Variants in BICC1 observed in about 807,000 individuals in gnomAD.
BICC1 encodes BicC family RNA binding protein 1, also known as protein bicaudal C homolog 1.
Under a neutral mutation model 111.0 loss-of-function variants are expected in BICC1, and 43 were observed. The ratio of observed to expected loss-of-function variants is 0.39; its 90% CI spans 0.30 to 0.50. BICC1 has a LOEUF of 0.50. Ranked by LOEUF, BICC1 falls within the 20% of genes least tolerant of loss-of-function variation. The pLI is 0.88. For synonymous variants in BICC1, 467 were observed against 434.4 expected (o/e 1.07, Z -0.93); for missense variants, 1,091 against 1,203.2 (o/e 0.91, Z 1.38).
At chr10:58,554,661 G>A (rs1460951697) in intron 1 of BICC1, among the ~76,000 whole-genome samples, 1 of 151,930 alleles carries the variant, frequency 6.6e-6, no homozygotes, top group East Asian at 1.9e-4. Flanking sequence ...TGTATAATAA[G>A]AATTACTTTG....
At position 58,605,219 on chromosome 10, in the gene BICC1, G is replaced by A. The variant is rs775134375; in HGVS notation, c.191-15636G>A. 2.0e-5 allele frequency among the ~76,000 whole-genome samples: 3 copies of A among 152,098 alleles called. No individual in the cohort carries two copies. In the East Asian group the frequency reaches 5.8e-4, roughly 29 times the overall value. On this transcript the variant is annotated intron_variant, in intron 1 of 20. Transcript: ENST00000373886. ...TTAAAAATCGTCACGTAATATATACGCATAGTTTAAAAATGAAATAGTATA... is the reference window on the plus strand; with the variant it reads ...TTAAAAATCGTCACGTAATATATACACATAGTTTAAAAATGAAATAGTATA...
intron 3 of BICC1, among the ~76,000 whole-genome samples, chr10:58,722,533 C>T (rs999904322): frequency 6.6e-6 from 1 of 152,212 alleles, no homozygotes; most frequent in South Asian, 2.1e-4. Flanking sequence ...CATTTGAATT[C>T]TTAGGAACAT....
chr10:58,575,223 C>G (rs969072817), intron 1 of BICC1, among the ~76,000 whole-genome samples: 5 of 152,040 alleles, frequency 3.3e-5, no homozygotes, highest in Non-Finnish European at 5.9e-5. Flanking sequence ...TGATGTCCCC[C>G]TCTCTGTGTC....
At chr10:58,538,025 C>T (rs935040988) in intron 1 of BICC1, among the ~76,000 whole-genome samples, 6 of 151,760 alleles carry the variant, frequency 4.0e-5, no homozygotes, top group South Asian at 2.1e-4. Context: ...GAATCAATAT[C>T]GTGAAAATGA....
intron 3 of BICC1, among the ~76,000 whole-genome samples, chr10:58,747,691 T>A (rs1333647152): frequency 6.6e-6 from 1 of 152,142 alleles, no homozygotes; most frequent in Admixed American, 6.6e-5. Context: ...TAAACCTTTA[T>A]ATGCTCTTTC....
chr10:58,609,875 A>G (rs922534974), intron 1 of BICC1, among the ~76,000 whole-genome samples: 8 of 152,218 alleles, frequency 5.3e-5, no homozygotes, highest in Admixed American at 3.9e-4. Flanking sequence ...AAAACATTGA[A>G]ATTATGTAAA....
intron 1 of BICC1, among the ~76,000 whole-genome samples, chr10:58,587,360 C>T (rs1844464834): frequency 6.6e-6 from 1 of 152,172 alleles, no homozygotes; most frequent in African/African-American, 2.4e-5. Flanking sequence ...TACATTACAT[C>T]TGTCCATTTG....
chr10:58,712,097 A>G (rs1396014778), intron 3 of BICC1, among the ~76,000 whole-genome samples: 1 of 152,242 alleles, frequency 6.6e-6, no homozygotes, highest in African/African-American at 2.4e-5. Context: ...TAAGCATGTG[A>G]AAAGATCCTC....
chr10:58,652,504 G>C (rs1424595852), intron 2 of BICC1, among the ~76,000 whole-genome samples: 1 of 152,078 alleles, frequency 6.6e-6, no homozygotes, highest in Non-Finnish European at 1.5e-5. Context: ...TTACCAGAAA[G>C]ATTACCTGCT....
At chr10:58,708,607 G>A (rs1042717181) in intron 3 of BICC1, among the ~76,000 whole-genome samples, 3 of 152,196 alleles carry the variant, frequency 2.0e-5, no homozygotes, top group East Asian at 1.9e-4. Context: ...CATAGGGCCC[G>A]AAGATTGGTT....
intron 2 of BICC1, among the ~76,000 whole-genome samples, chr10:58,646,320 A>G (rs544314342): frequency 6.6e-6 from 1 of 152,322 alleles, no homozygotes; most frequent in African/African-American, 2.4e-5. Context: ...CACATAGAGT[A>G]AGCATGCACA....
intron 1 of BICC1, among the ~76,000 whole-genome samples, chr10:58,566,349 T>C (rs1649046): frequency 0.46 from 69,807 of 151,714 alleles, 17,121 homozygotes; most frequent in Admixed American, 0.62. Flanking sequence ...TACATACACA[T>C]ATATATATAC....
At chr10:58,545,643 A>G (rs904924122) in intron 1 of BICC1, among the ~76,000 whole-genome samples, 2 of 152,178 alleles carry the variant, frequency 1.3e-5, no homozygotes, top group Non-Finnish European at 2.9e-5. Context: ...GCCTTCAAAT[A>G]ACTGATTTTT....
chr10:58,719,052 A>G lies in BICC1; in HGVS notation c.307+16909A>G, dbSNP rs533990044. On this transcript the variant is annotated intron_variant, in intron 3 of 20. Coordinates refer to ENST00000373886, the MANE Select transcript of BICC1 (RefSeq NM_001080512.3). ...TCAGTATGTTATTTTGAATTGGCTC[A>G]TATTCCATTTCTACTTTGTCTCCAT... Among the ~76,000 whole-genome samples, 437 of 152,276 alleles carry G rather than the reference A, an allele frequency of 2.9e-3. 3 individuals are homozygous for G. The highest frequency in any genetic ancestry group is 4.3e-3 in the Non-Finnish European group (293 of 68,016).
intron 3 of BICC1, among the ~76,000 whole-genome samples, chr10:58,707,158 TG>T (rs1437181725): frequency 1.3e-5 from 2 of 152,210 alleles, no homozygotes; most frequent in Non-Finnish European, 2.9e-5. Flanking sequence ...CGTAATTCCA[TG>T]AGGTTTTATT....
At chr10:58,723,184 A>G (rs1481661539) in intron 3 of BICC1, among the ~76,000 whole-genome samples, 1 of 152,112 alleles carries the variant, frequency 6.6e-6, no homozygotes, top group African/African-American at 2.4e-5. Context: ...ATTTGAACAT[A>G]TTTTCCTGAG....
Position 58,547,295 on chromosome 10 carries a change from C to T in BICC1, c.190+33962C>T, listed in dbSNP as rs12783857. Among the ~76,000 whole-genome samples, 854 of 152,270 alleles carry T rather than the reference C, an allele frequency of 5.6e-3. 9 individuals are homozygous for T. The highest frequency in any genetic ancestry group is 1.0e-2 in the Non-Finnish European group (677 of 68,026). On this transcript the variant is annotated intron_variant, in intron 1 of 20. Coordinates refer to ENST00000373886, the MANE Select transcript of BICC1 (RefSeq NM_001080512.3). Reference sequence around the variant, plus strand: ...GGCTGTGACAGTTTCTCAGACTCCTCTTGCTTTTGATGATTTTGACAGTTT... The same window carrying T: ...GGCTGTGACAGTTTCTCAGACTCCTTTTGCTTTTGATGATTTTGACAGTTT...
chr10:58,748,553 G>A (rs1332430676), intron 3 of BICC1, among the ~76,000 whole-genome samples: 2 of 142,738 alleles, frequency 1.4e-5, no homozygotes, highest in Middle Eastern at 3.6e-3. Context: ...TTATCTTGAC[G>A]TAGGGTGGAA....
chr10:58,627,744 A>G (rs1271998169), intron 2 of BICC1, among the ~76,000 whole-genome samples: 5 of 152,142 alleles, frequency 3.3e-5, no homozygotes, highest in Admixed American at 1.3e-4. Flanking sequence ...TTGTTTTTAT[A>G]TCTTAGCGGG....
Sources: gnomAD v4.1 joint callset for allele counts (sites outside exome capture counted in the v4.1 genomes callset) on GRCh38, gnomAD v4.1.1 for gene constraint, MANE v1.5 for transcripts, NCBI Gene and HGNC (gene_info 2026-07-23, HGNC 2026-07-21) for gene names.